The following PRKN variants were observed in gnomAD, a reference collection of about 807,000 sequenced individuals.
PRKN encodes E3 ubiquitin-protein ligase parkin.
Under a neutral mutation model 59.5 loss-of-function variants are expected in PRKN, and 56 were observed. That is an observed-to-expected ratio of 0.94 (90% CI 0.76 to 1.18). PRKN has a LOEUF of 1.18. Among genes scored for constraint, PRKN ranks in the 50% most tolerant of loss-of-function variants. PRKN has a pLI of 0.00. For synonymous variants in PRKN, 250 were observed against 222.1 expected (o/e 1.13, Z -1.12); for missense variants, 657 against 596.4 (o/e 1.10, Z -1.06).
intron 1 of PRKN, among the ~76,000 whole-genome samples, chr6:162,452,727 G>T (rs1269992180): frequency 2.6e-5 from 4 of 152,048 alleles, no homozygotes; most frequent in Non-Finnish European, 4.4e-5. Context: ...ATAAACTGGT[G>T]ACCAGAACTC....
At chr6:162,400,457 C>CGAA (rs1787724614) in intron 2 of PRKN, among the ~76,000 whole-genome samples, 1 of 98,662 alleles carries the variant, frequency 1.0e-5, no homozygotes, top group African/African-American at 3.8e-5. Flanking sequence ...ATGTAAATAT[C>CGAA]AAAAAAAAAA....
rs541609410 is a variant in PRKN at position 161,562,307 on chromosome 6, C to T, written c.933+7048G>A. On this transcript the variant is annotated intron_variant, in intron 8 of 11. Coordinates refer to ENST00000366898, the MANE Select transcript of PRKN (RefSeq NM_004562.3). This position sits in a 1 kb window ranked among gnomAD's most constrained non-coding sequence, Gnocchi z 4.3. Reference sequence around the variant, plus strand: ...ATTGCCATTCCTCCTCCGGAAGGCCCGCCTACTTGCCTTCTCAGCTTCCTC... The same window carrying T: ...ATTGCCATTCCTCCTCCGGAAGGCCTGCCTACTTGCCTTCTCAGCTTCCTC... Among the ~76,000 whole-genome samples, 5 of 152,098 alleles carry T rather than the reference C, an allele frequency of 3.3e-5. No homozygotes were observed. Among genetic ancestry groups the T allele is most frequent in the African/African-American group, 4.8e-5 (2 of 41,410 alleles).
intron 6 of PRKN, among the ~76,000 whole-genome samples, chr6:161,823,589 G>A (rs567940800): frequency 3.4e-4 from 51 of 152,224 alleles, no homozygotes; most frequent in African/African-American, 1.1e-3. Flanking sequence ...TTCATTGGCC[G>A]AAAGGATGGT....
chr6:161,917,045 G>A (rs9347565), intron 6 of PRKN, among the ~76,000 whole-genome samples: 8,160 of 151,922 alleles, frequency 0.054, 280 homozygotes, highest in South Asian at 0.15. Flanking sequence ...CTCGTGATCC[G>A]TCTGCCTCCG....
At position 161,551,290 on chromosome 6, in the gene PRKN, C is replaced by T. The variant is rs927249428; in HGVS notation, c.934-2287G>A. On this transcript the variant is annotated intron_variant, in intron 8 of 11. Coordinates refer to ENST00000366898, the MANE Select transcript of PRKN (RefSeq NM_004562.3). The surrounding 1 kb of genome is among the most constrained non-coding windows in gnomAD (Gnocchi z 5.2). ...TGCCAAGGAAGGACCTGGGGAGGCG[C>T]GCTGGCGACCTGAACGTCTCCAGGT... Among the ~76,000 whole-genome samples the T allele has an allele frequency of 1.3e-5, 2 of 152,198 alleles. No individual in the cohort carries two copies. The highest frequency in any genetic ancestry group is 6.5e-5 in the Admixed American group (1 of 15,280).
intron 1 of PRKN, among the ~76,000 whole-genome samples, chr6:162,495,622 C>T (rs569877438): frequency 1.3e-4 from 20 of 152,320 alleles, no homozygotes; most frequent in African/African-American, 4.3e-4. Context: ...AAAGAGCAAA[C>T]GTCATCTTGG....
At chr6:161,740,144 T>C (rs776272557) in intron 7 of PRKN, among the ~76,000 whole-genome samples, 100 of 152,236 alleles carry the variant, frequency 6.6e-4, no homozygotes, top group Non-Finnish European at 1.0e-3. Context: ...CCAAAGCGAC[T>C]TGACATTTCA....
intron 7 of PRKN, among the ~76,000 whole-genome samples, chr6:161,677,561 GGGTGCCTTCTATGCTGGCAGCT>G (rs1785133415): frequency 6.6e-6 from 1 of 152,206 alleles, no homozygotes; most frequent in Non-Finnish European, 1.5e-5. Context: ...GACGGAGCAA[GGGTGCCTTCTATGCTGGCAGCT>G]GGTGCTCACC....
At chr6:161,816,969 C>A (rs1019746720) in intron 6 of PRKN, among the ~76,000 whole-genome samples, 1 of 152,064 alleles carries the variant, frequency 6.6e-6, no homozygotes, top group African/African-American at 2.4e-5. Context: ...AAATGAGGTC[C>A]TGGCTTTGGG....
chr6:162,094,852 T>A (rs960458950), intron 4 of PRKN, among the ~76,000 whole-genome samples: 5 of 152,246 alleles, frequency 3.3e-5, no homozygotes, highest in African/African-American at 9.6e-5. Flanking sequence ...TATTTAGACA[T>A]TTCCTATTCA....
intron 6 of PRKN, among the ~76,000 whole-genome samples, chr6:161,821,391 A>G (rs1452569046): frequency 2.6e-5 from 4 of 152,256 alleles, no homozygotes; most frequent in African/African-American, 9.6e-5. Context: ...ATGTCTGGTT[A>G]TAATTCTATG....
chr6:161,844,990 C>A (rs1274661026), intron 6 of PRKN, among the ~76,000 whole-genome samples: 1 of 152,218 alleles, frequency 6.6e-6, no homozygotes, highest in Non-Finnish European at 1.5e-5. Context: ...TACACAGGTA[C>A]AAACCAGTTG....
intron 5 of PRKN, among the ~76,000 whole-genome samples, chr6:162,003,843 A>C (rs1249522628): frequency 6.6e-6 from 1 of 152,168 alleles, no homozygotes; most frequent in Non-Finnish European, 1.5e-5. Flanking sequence ...TACAGTTTAA[A>C]TCTTCCATAT....
At chr6:162,380,960 G>A (rs1442875545) in intron 2 of PRKN, among the ~76,000 whole-genome samples, 1 of 152,096 alleles carries the variant, frequency 6.6e-6, no homozygotes, top group Non-Finnish European at 1.5e-5. Context: ...CGACCAGAGT[G>A]GCCGCCGTGG....
intron 4 of PRKN, among the ~76,000 whole-genome samples, chr6:162,097,225 A>T (rs949790060): frequency 1.3e-5 from 2 of 152,148 alleles, no homozygotes; most frequent in Non-Finnish European, 2.9e-5. Context: ...GATTTTTTTT[A>T]GGAAAAAAGT....
Position 161,396,341 on chromosome 6 carries a change from G to A in PRKN, c.1084-9464C>T, listed in dbSNP as rs1477204678. 2.0e-5 allele frequency among the ~76,000 whole-genome samples: 3 copies of A among 152,170 alleles called. No homozygotes were observed. The highest frequency in any genetic ancestry group is 3.9e-4 in the East Asian group (2 of 5,176). On this transcript the variant is annotated intron_variant, in intron 9 of 11. Transcript: ENST00000366898. The surrounding 1 kb of genome is among the most constrained non-coding windows in gnomAD (Gnocchi z 5.4). ...TGTTCATCTAAACAAACTTCTTGGC[G>A]GGCAAATTTCAATATCTAACTGAGA...
chr6:161,791,590 G>A (rs750429349), intron 6 of PRKN, among the ~76,000 whole-genome samples: 9 of 152,150 alleles, frequency 5.9e-5, no homozygotes, highest in Non-Finnish European at 1.0e-4. Context: ...GAGAGAGGCT[G>A]TGGATGAAAT....
intron 1 of PRKN, among the ~76,000 whole-genome samples, chr6:162,557,514 CTGTTTGTT>C (rs67961625): frequency 6.6e-6 from 1 of 151,646 alleles, no homozygotes; most frequent in African/African-American, 2.4e-5. Flanking sequence ...TTTCTGTTTT[CTGTTTGTT>C]TGTTTTTTTG....
chr6:162,115,292 T>C (rs1469641797), intron 4 of PRKN, among the ~76,000 whole-genome samples: 2 of 140,356 alleles, frequency 1.4e-5, no homozygotes, highest in East Asian at 2.2e-4. Context: ...GGGAATTGAA[T>C]AATGAGAACA....
Sources: gnomAD v4.1 joint callset for allele counts (sites outside exome capture counted in the v4.1 genomes callset) on GRCh38, gnomAD v4.1.1 for gene constraint, Gnocchi (gnomAD v3.1) non-coding constraint, MANE v1.5 for transcripts, NCBI Gene and HGNC (gene_info 2026-07-23, HGNC 2026-07-21) for gene names.